Variants in CFAP53 observed in about 807,000 individuals in gnomAD.
CFAP53 encodes cilia- and flagella-associated protein 53.
Under a neutral mutation model 59.7 loss-of-function variants are expected in CFAP53, and 62 were observed. The ratio of observed to expected loss-of-function variants is 1.04; its 90% confidence interval spans 0.85 to 1.28. CFAP53 has a LOEUF of 1.28. Ranked by LOEUF, CFAP53 falls within the 50% of genes most tolerant of loss-of-function variation. The probability of loss-of-function intolerance (pLI) is 0.00; values close to 1 mark genes in which losing one functional copy is unlikely to be tolerated. For missense variants in CFAP53, 629 were observed against 615.6 expected (o/e 1.02, Z -0.23); for synonymous variants, 218 against 205.7 (o/e 1.06, Z -0.51).
intron 3 of CFAP53, among the ~76,000 whole-genome samples, chr18:50,260,388 A>G (rs1432051309): frequency 2.6e-5 from 4 of 152,142 alleles, no homozygotes; most frequent in African/African-American, 9.7e-5. Flanking sequence ...AGGGCCGGGC[A>G]TGGTGGCTCA....
chr18:50,250,951 T>G lies in CFAP53; in HGVS notation c.803A>C (p.His268Pro), dbSNP rs751267111. The change falls in exon 5 of 8, where the codon CAT (histidine) becomes CCT (proline). Residue 268 changes from histidine to proline, a missense_variant. Transcript: ENST00000398545. ...CTTTAGCATATCCTGTTCATTCTCATGTTTAATCTGTGCGTTGTTACTTTC... is the reference window on the plus strand; with the variant it reads ...CTTTAGCATATCCTGTTCATTCTCAGGTTTAATCTGTGCGTTGTTACTTTC... ...LVESNNAQIK[H>P]ENEQDMLKKQ... 4 of 1,614,046 alleles carry G rather than the reference T, an allele frequency of 2.5e-6. No homozygotes were observed. The highest frequency in any genetic ancestry group is 2.5e-6 in the Non-Finnish European group (3 of 1,180,020).
chr18:50,238,857 A>T (rs1226654349), intron 6 of CFAP53, 152 bp from the exon 7 acceptor site: 6 of 550,814 alleles, frequency 1.1e-5, no homozygotes, highest in Non-Finnish European at 1.9e-5. Flanking sequence ...ACACATCTCA[A>T]TTGAGAAATA....
At chr18:50,246,183 C>T (rs1049456227) in intron 5 of CFAP53, among the ~76,000 whole-genome samples, 1 of 152,212 alleles carries the variant, frequency 6.6e-6, no homozygotes, top group African/African-American at 2.4e-5. Context: ...AGCCACTGCA[C>T]CAGGCCAGGA....
intron 6 of CFAP53, among the ~76,000 whole-genome samples, chr18:50,242,120 A>C (rs1181080518): frequency 6.6e-6 from 1 of 152,110 alleles, no homozygotes; most frequent in Non-Finnish European, 1.5e-5. Context: ...ATTCTGCCCG[A>C]CCCCGCAGGC....
chr18:50,249,476 C>T (rs2033777447), intron 5 of CFAP53, among the ~76,000 whole-genome samples: 1 of 151,318 alleles, frequency 6.6e-6, no homozygotes, highest in Admixed American at 6.6e-5. Flanking sequence ...TGAGACCACA[C>T]CACTGCACTC....
chr18:50,241,248 T>C (rs2033687356), intron 6 of CFAP53, among the ~76,000 whole-genome samples: 1 of 152,186 alleles, frequency 6.6e-6, no homozygotes, highest in Non-Finnish European at 1.5e-5. Context: ...GTGGATTGAA[T>C]GTAAGTATTA....
At chr18:50,249,728 G>A in intron 5 of CFAP53, among the ~76,000 whole-genome samples, 1 of 152,052 alleles carries the variant, frequency 6.6e-6, no homozygotes, top group Middle Eastern at 3.2e-3. Flanking sequence ...GAGGGAAGTA[G>A]GTGTGTCTAT....
intron 4 of CFAP53, 126 bp downstream of exon 4, chr18:50,251,355 G>T: frequency 2.5e-6 from 2 of 816,028 alleles, no homozygotes; most frequent in East Asian, 2.5e-5. Context: ...AGCACTAAGA[G>T]TCCAAAAATG....
intron 3 of CFAP53, among the ~76,000 whole-genome samples, chr18:50,257,821 G>A (rs2033858911): frequency 6.6e-6 from 1 of 152,174 alleles, no homozygotes; most frequent in East Asian, 1.9e-4. Context: ...CTTGAGACTA[G>A]GAGTTCGACA....
chr18:50,228,689 G>A (rs2144398062), intron 7 of CFAP53, among the ~76,000 whole-genome samples: 1 of 152,234 alleles, frequency 6.6e-6, no homozygotes, highest in Middle Eastern at 3.4e-3. Flanking sequence ...TACTCAGGAG[G>A]CTGAGGCAGG....
At chr18:50,247,427 C>T (rs79823846) in intron 5 of CFAP53, among the ~76,000 whole-genome samples, 4 of 152,226 alleles carry the variant, frequency 2.6e-5, no homozygotes, top group East Asian at 1.9e-4. Flanking sequence ...ACAGAGTTAC[C>T]GTATGGCCCA....
chr18:50,261,382 G>GTT, intron 2 of CFAP53, 145 bp from the exon 3 acceptor site: 1 of 985,878 alleles, frequency 1.0e-6, no homozygotes, highest in Non-Finnish European at 1.4e-6. Flanking sequence ...TGGTTGGTTT[G>GTT]TTTTTTTGTT....
chr18:50,235,805 A>G lies in CFAP53; in HGVS notation c.1316+2798T>C, dbSNP rs77291813. 5.9e-3 allele frequency among the ~76,000 whole-genome samples: 895 copies of G among 152,210 alleles called. 6 individuals carry two copies. The highest frequency in any genetic ancestry group is 0.02 in the African/African-American group (839 of 41,504). On this transcript the variant is annotated intron_variant, in intron 7 of 7. Coordinates refer to ENST00000398545, the MANE Select transcript of CFAP53 (RefSeq NM_145020.5). ...GCCACCCTGCCCAATTTAATTCCCA[A>G]CCCAAGGATTTAGGTCCATGTAACC... is the stretch of plus-strand genomic sequence containing the variant.
In CFAP53 at chr18:50,227,226, G is replaced by C; in HGVS notation, c.*155C>G. 1.6e-6 allele frequency: 1 copy of C among 612,726 alleles called. No homozygotes were observed. Among genetic ancestry groups the C allele is most frequent in the South Asian group, 2.2e-5 (1 of 44,868 alleles). 38.0% of individuals were successfully genotyped at this position (612,726 alleles called of 1,614,324 possible). A position where few individuals can be genotyped will look rare whatever the true frequency, so the allele number is the denominator to read the frequency against. Reference sequence around the variant, plus strand: ...TGTAAGTCTGTGAACTCCAAAATAGGCACAGGTTTATTCAAAGGAAGAAAA... The same window carrying C: ...TGTAAGTCTGTGAACTCCAAAATAGCCACAGGTTTATTCAAAGGAAGAAAA... On this transcript the variant is annotated 3_prime_UTR_variant, in exon 8 of 8. Transcript: ENST00000398545.
At chr18:50,255,592 G>C (rs1177079081) in intron 3 of CFAP53, among the ~76,000 whole-genome samples, 1 of 151,406 alleles carries the variant, frequency 6.6e-6, no homozygotes, top group Non-Finnish European at 1.5e-5. Flanking sequence ...AAAACCACTG[G>C]TAATTTTTTC....
chr18:50,251,804 A>C lies in CFAP53; in HGVS notation c.474-20T>G, dbSNP rs1301758793. ...CGTTCCCTGAAAGGAAAATTTTAAA[A>C]AGACAAAACCCAGCCTTTCGTGAGG... is the stretch of plus-strand genomic sequence containing the variant. On this transcript the variant is annotated intron_variant, in intron 3 of 7. Coordinates refer to ENST00000398545, the MANE Select transcript of CFAP53 (RefSeq NM_145020.5). The C allele has an allele frequency of 1.9e-6, 3 of 1,606,296 alleles. No individual in the cohort carries two copies. In the East Asian group the frequency reaches 6.7e-5, roughly 36 times the overall value.
intron 3 of CFAP53, among the ~76,000 whole-genome samples, chr18:50,260,832 A>G (rs1599132277): frequency 6.6e-6 from 1 of 152,222 alleles, no homozygotes; most frequent in African/African-American, 2.4e-5. Context: ...AAGTTCAGTA[A>G]CATAATCTCC....
At chr18:50,251,906 C>T (rs930525786) in intron 3 of CFAP53, 122 bp from the exon 4 acceptor site, 35 of 847,438 alleles carry the variant, frequency 4.1e-5, no homozygotes, top group African/African-American at 2.4e-4. Context: ...TGCAGGCCAT[C>T]GGAGCACAGG....
rs1157775451 is a variant in CFAP53 at position 50,249,220 on chromosome 18, A to G, written c.996+1538T>C. On this transcript the variant is annotated intron_variant, in intron 5 of 7. Coordinates refer to ENST00000398545, the MANE Select transcript of CFAP53 (RefSeq NM_145020.5). ...TTCTATCTCAAAAAAAAAAAAAAAAAAAAGAATAAAAAGAAGGCTGGGTGC... is the reference window on the plus strand; with the variant it reads ...TTCTATCTCAAAAAAAAAAAAAAAAGAAAGAATAAAAAGAAGGCTGGGTGC... Among the ~76,000 whole-genome samples, 370 of 150,612 alleles carry G rather than the reference A, an allele frequency of 2.5e-3. 3 individuals carry two copies. Among genetic ancestry groups the G allele is most frequent in the African/African-American group, 8.5e-3 (350 of 41,062 alleles).
Sources: gnomAD v4.1 joint callset for allele counts (sites outside exome capture counted in the v4.1 genomes callset) on GRCh38, gnomAD v4.1.1 for gene constraint, MANE v1.5 for transcripts, NCBI Gene and HGNC (gene_info 2026-07-23, HGNC 2026-07-21) for gene names.